IL1RAPL2: variants seen among roughly 807,000 people sequenced by gnomAD.
IL1RAPL2 encodes X-linked interleukin-1 receptor accessory protein-like 2.
A neutral mutation model predicts 44.1 loss-of-function variants in IL1RAPL2; 3 were observed. The ratio of observed to expected loss-of-function variants is 0.07; its 90% confidence interval spans 0.03 to 0.18. The LOEUF (loss-of-function observed/expected upper bound fraction) is 0.18. Ranked by LOEUF, IL1RAPL2 falls within the 10% of genes least tolerant of loss-of-function variation. The probability of loss-of-function intolerance (pLI) is 1.00; values close to 1 mark genes in which losing one functional copy is unlikely to be tolerated. For missense variants in IL1RAPL2, 391 were observed against 496.4 expected (o/e 0.79, Z 2.02); for synonymous variants, 181 against 178.8 (o/e 1.01, Z -0.10).
At chrX:104,707,252 G>A (rs918266125) in intron 2 of IL1RAPL2, among the ~76,000 whole-genome samples, 15 of 111,464 alleles carry the variant, frequency 1.3e-4, no homozygotes, top group African/African-American at 3.9e-4. Flanking sequence ...TCAGCAAATC[G>A]AGGTTTTTAG....
chrX:105,383,195 G>T (rs1158363192), intron 5 of IL1RAPL2, among the ~76,000 whole-genome samples: 1 of 108,095 alleles, frequency 9.3e-6, no homozygotes, highest in Admixed American at 9.9e-5. Context: ...CCAAACACTA[G>T]ATCTTATTCC....
At position 104,747,090 on chromosome X, in the gene IL1RAPL2, C is replaced by A. The variant is rs995240762; in HGVS notation, c.82+88095C>A. ...CACTAGCCAGACTAGTGTACTTATC[C>A]TTTACTGAAACTTTCCTTCTTTTCT... On this transcript the variant is annotated intron_variant, in intron 2 of 10. Coordinates refer to ENST00000372582, the MANE Select transcript of IL1RAPL2 (RefSeq NM_017416.2). Among the ~76,000 whole-genome samples the A allele has an allele frequency of 2.1e-4, 23 of 111,196 alleles. 1 individual carries two copies. Among genetic ancestry groups the A allele is most frequent in the African/African-American group, 7.5e-4 (23 of 30,632 alleles).
intron 2 of IL1RAPL2, among the ~76,000 whole-genome samples, chrX:105,153,841 A>G (rs1051474554): frequency 9.0e-6 from 1 of 110,961 alleles, no homozygotes; most frequent in African/African-American, 3.3e-5. Flanking sequence ...TTTGTCATGT[A>G]TATGAAGCCT....
chrX:104,670,371 C>A (rs1426060606), intron 2 of IL1RAPL2, among the ~76,000 whole-genome samples: 1 of 111,508 alleles, frequency 9.0e-6, no homozygotes, highest in African/African-American at 3.3e-5. Flanking sequence ...CCACCTTCTT[C>A]CACCTGCTTT....
rs745850163 is a variant in IL1RAPL2 at position 105,679,026 on chromosome X, C to CT, written c.773-38325dup. Reference sequence around the variant, plus strand: ...AGGAATGGCTTGCAGAAAAGTTTCTCTTTTTTTTTTTTTTTTACTATCATG... The same window carrying CT: ...AGGAATGGCTTGCAGAAAAGTTTCTCTTTTTTTTTTTTTTTTTACTATCATG... On this transcript the variant is annotated intron_variant, in intron 6 of 10. Coordinates refer to ENST00000372582, the MANE Select transcript of IL1RAPL2 (RefSeq NM_017416.2). 3.4e-3 allele frequency among the ~76,000 whole-genome samples: 326 copies of CT among 94,898 alleles called. 1 individual carries two copies. Among genetic ancestry groups the CT allele is most frequent in the South Asian group, 0.011 (24 of 2,130 alleles). The allele number at this position is 94,898 out of a possible 115,157, so 82.4% of individuals were successfully genotyped here.
intron 2 of IL1RAPL2, among the ~76,000 whole-genome samples, chrX:104,801,346 G>A (rs1444339717): frequency 1.8e-5 from 2 of 111,804 alleles, no homozygotes; most frequent in East Asian, 2.8e-4. Flanking sequence ...TAAGAGGACC[G>A]TGGCTAGTCT....
chrX:105,124,871 A>G (rs1382226384), intron 2 of IL1RAPL2, among the ~76,000 whole-genome samples: 1 of 111,101 alleles, frequency 9.0e-6, no homozygotes, highest in African/African-American at 3.3e-5. Context: ...ATAAAATTTG[A>G]ATAAAATGTT....
rs1205790339 is a variant in IL1RAPL2, at chrX:105,640,691, T to TATATAC, written c.773-76675_773-76674insTATACA. Among the ~76,000 whole-genome samples the TATATAC allele has an allele frequency of 8.4e-4, 64 of 76,022 alleles. 1 individual carries two copies. Among genetic ancestry groups the TATATAC allele is most frequent in the Non-Finnish European group, 1.3e-3 (50 of 38,279 alleles). 66.0% of individuals were successfully genotyped at this position (76,022 alleles called of 115,157 possible). ...ATATATATATATATATATATATATATACACACACATATACATATATATACA... is the reference window on the plus strand; with the variant it reads ...ATATATATATATATATATATATATATATATACACACACACATATACATATATATACA... On this transcript the variant is annotated intron_variant, in intron 6 of 10. Transcript: ENST00000372582.
chrX:105,437,186 A>G (rs2035888118), intron 5 of IL1RAPL2, among the ~76,000 whole-genome samples: 1 of 109,996 alleles, frequency 9.1e-6, no homozygotes, highest in African/African-American at 3.3e-5. Flanking sequence ...CTTTATTTTT[A>G]CCTACATTTA....
intron 2 of IL1RAPL2, among the ~76,000 whole-genome samples, chrX:104,820,246 C>T (rs1921264133): frequency 9.0e-6 from 1 of 111,706 alleles, no homozygotes; most frequent in Admixed American, 9.6e-5. Context: ...TGGTTTTAAA[C>T]ATCCGTTGTT....
intron 2 of IL1RAPL2, among the ~76,000 whole-genome samples, chrX:104,683,104 T>C (rs764810453): frequency 9.0e-6 from 1 of 111,438 alleles, no homozygotes; most frequent in South Asian, 3.8e-4. Context: ...TCACCTGATA[T>C]ACACTTCACT....
intron 5 of IL1RAPL2, among the ~76,000 whole-genome samples, chrX:105,353,064 G>A (rs1404880310): frequency 9.0e-6 from 1 of 111,268 alleles, no homozygotes; most frequent in African/African-American, 3.3e-5. Context: ...TATGGTTTTA[G>A]GTCTAACATT....
At chrX:104,870,509 T>C (rs1025139051) in intron 2 of IL1RAPL2, among the ~76,000 whole-genome samples, 14 of 112,427 alleles carry the variant, frequency 1.2e-4, no homozygotes, top group African/African-American at 2.9e-4. Flanking sequence ...GAATCAGAGA[T>C]GTTAAGTAAC....
chrX:104,703,843 T>C (rs1032025799), intron 2 of IL1RAPL2, among the ~76,000 whole-genome samples: 1 of 112,228 alleles, frequency 8.9e-6, no homozygotes, highest in Admixed American at 9.5e-5. Context: ...AACCAAGGGA[T>C]GTCAGATTCC....
At chrX:105,151,532 T>G (rs2033227802) in intron 2 of IL1RAPL2, among the ~76,000 whole-genome samples, 1 of 109,698 alleles carries the variant, frequency 9.1e-6, no homozygotes, top group South Asian at 3.8e-4. Context: ...TGTTTTTTCG[T>G]TTTTTTGGTT....
chrX:105,081,243 T>C (rs769297693), intron 2 of IL1RAPL2, among the ~76,000 whole-genome samples: 51 of 111,317 alleles, frequency 4.6e-4, no homozygotes, highest in African/African-American at 1.6e-3. Context: ...GGCCAGAACT[T>C]CCAGTACTAT....
chrX:105,634,935 T>C (rs7883526), intron 6 of IL1RAPL2, among the ~76,000 whole-genome samples: 7,109 of 111,432 alleles, frequency 0.064, 579 homozygotes, highest in African/African-American at 0.22. Flanking sequence ...CTGAGAAATT[T>C]AGTAACTTTC....
At chrX:105,646,418 A>G (rs1438230876) in intron 6 of IL1RAPL2, among the ~76,000 whole-genome samples, 1 of 111,724 alleles carries the variant, frequency 9.0e-6, no homozygotes, top group East Asian at 2.8e-4. Context: ...GCTTTTTTAG[A>G]GATAGCCGTT....
At chrX:105,632,561 C>T (rs1367857654) in intron 6 of IL1RAPL2, among the ~76,000 whole-genome samples, 1 of 111,661 alleles carries the variant, frequency 9.0e-6, no homozygotes, top group Non-Finnish European at 1.9e-5. Context: ...TGGCAGCAAT[C>T]ACTCTTCTCT....
Sources: allele counts gnomAD v4.1 joint callset (sites outside exome capture counted in the v4.1 genomes callset), GRCh38; gene constraint gnomAD v4.1.1; transcripts MANE v1.5; gene names NCBI Gene and HGNC (gene_info 2026-07-23, HGNC 2026-07-21).